The following VIPR2 variants were observed in gnomAD, a reference collection of about 807,000 sequenced individuals.
VIPR2 encodes vasoactive intestinal peptide receptor 2, also known as vasoactive intestinal polypeptide receptor 2.
Under a neutral mutation model 58.0 loss-of-function variants are expected in VIPR2, and 48 were observed. The ratio of observed to expected loss-of-function variants is 0.83; its 90% CI spans 0.66 to 1.05. VIPR2 has a LOEUF of 1.05. Among genes scored for constraint, VIPR2 ranks in the 50% least tolerant of loss-of-function variants. The pLI is 0.00. For missense variants in VIPR2, 534 were observed against 558.0 expected, an observed-to-expected ratio of 0.96 and a Z score of 0.43; for synonymous variants, 243 against 235.2, an observed-to-expected ratio of 1.03 and a Z score of -0.30.
At chr7:159,081,220 T>C (rs1366569671) in intron 4 of VIPR2, among the ~76,000 whole-genome samples, 6 of 152,136 alleles carry the variant, frequency 3.9e-5, no homozygotes, top group African/African-American at 1.4e-4. Flanking sequence ...TCAAACTATA[T>C]TACAAGGCTA....
chr7:159,040,969 A>G (rs1422260303), intron 6 of VIPR2, among the ~76,000 whole-genome samples: 1 of 152,052 alleles, frequency 6.6e-6, no homozygotes, highest in Admixed American at 6.5e-5. Flanking sequence ...ATCTGGCACA[A>G]GGGGCAAAGC....
intron 1 of VIPR2, chr7:159,144,297 C>G (rs911837136): frequency 8.6e-6 from 12 of 1,396,574 alleles, no homozygotes; most frequent in Non-Finnish European, 1.0e-5. Context: ...CTAAAACTAA[C>G]CAGTAAGTAC....
rs189642032 is a variant in VIPR2 at position 159,034,720 on chromosome 7, G to A, written c.810-70C>T. 3.9e-5 allele frequency: 52 copies of A among 1,335,760 alleles called. No homozygotes were observed. The African/African-American group carries it at 6.2e-4, about 16-fold the overall frequency. 82.7% of individuals were successfully genotyped at this position (1,335,760 alleles called of 1,614,324 possible). A position where few individuals can be genotyped will look rare whatever the true frequency, so the allele number is the denominator to read the frequency against. ...GCAAGACAGGTACAGAAGAATGAGC[G>A]CCTGCCCCTCCCAACTTGCCCACTC... On this transcript the variant is annotated intron_variant, in intron 8 of 12. Transcript: ENST00000262178.
intron 3 of VIPR2, among the ~76,000 whole-genome samples, chr7:159,109,477 C>T (rs745541167): frequency 3.3e-5 from 5 of 152,202 alleles, no homozygotes; most frequent in East Asian, 1.9e-4. Context: ...GCTCACAGGC[C>T]GACTCAGTGG....
At chr7:159,036,315 G>A (rs375948301) in intron 7 of VIPR2, among the ~76,000 whole-genome samples, 19 of 152,176 alleles carry the variant, frequency 1.2e-4, no homozygotes, top group East Asian at 9.7e-4. Flanking sequence ...TGATTTTTGC[G>A]ACCACCCACG....
intron 5 of VIPR2, among the ~76,000 whole-genome samples, chr7:159,054,384 C>T (rs944144418): frequency 3.3e-4 from 50 of 152,140 alleles, no homozygotes; most frequent in African/African-American, 1.2e-3. Context: ...CCAAAGACCA[C>T]GAAGAGAGCT....
chr7:159,131,161 G>A (rs531333900), intron 2 of VIPR2, among the ~76,000 whole-genome samples: 65 of 152,320 alleles, frequency 4.3e-4, no homozygotes, highest in African/African-American at 1.3e-3. Context: ...ACGGGGCCCT[G>A]CTGTCAAACT....
intron 4 of VIPR2, among the ~76,000 whole-genome samples, chr7:159,084,292 C>T (rs558052547): frequency 1.1e-3 from 169 of 152,284 alleles, no homozygotes; most frequent in African/African-American, 3.8e-3. Flanking sequence ...TGAGAGTGCT[C>T]GGGGCAGGAA....
intron 2 of VIPR2, chr7:159,117,346 T>C: frequency 1.4e-6 from 1 of 717,522 alleles, no homozygotes; most frequent in Non-Finnish European, 2.6e-6. Flanking sequence ...TGGGTAGGTA[T>C]GTGGGTCCAG....
In VIPR2 at chr7:159,030,659, G is replaced by C; in HGVS notation, c.1274C>G (p.Ser425Cys). The change falls in exon 13 of 13, where the codon TCC (serine) becomes TGC (cysteine). Residue 425 changes from serine to cysteine, a missense_variant. Ser to Cys is a moderately radical substitution (Grantham distance 112). Coordinates refer to ENST00000262178, the MANE Select transcript of VIPR2 (RefSeq NM_003382.5). Reference protein sequence around the residue: ...SEGALQFHRGSRAQSFLQTET... With the variant: ...SEGALQFHRGCRAQSFLQTET... ...CGTTTGCAGGAAGGACTGGGCGCGG[G>C]AGCCGCGGTGGAACTGCAGGGCGCC... The C allele has an allele frequency of 1.3e-6, 2 of 1,560,854 alleles. No individual in the cohort carries two copies. Among genetic ancestry groups the C allele is most frequent in the African/African-American group, 1.4e-5 (1 of 73,820 alleles).
intron 4 of VIPR2, among the ~76,000 whole-genome samples, chr7:159,071,382 CTTG>C (rs1856379987): frequency 6.6e-6 from 1 of 152,188 alleles, no homozygotes; most frequent in Non-Finnish European, 1.5e-5. Flanking sequence ...GACCCTTGGC[CTTG>C]GACCACTCAG....
At chr7:159,068,814 G>A (rs1341597301) in intron 4 of VIPR2, among the ~76,000 whole-genome samples, 1 of 152,228 alleles carries the variant, frequency 6.6e-6, no homozygotes, top group African/African-American at 2.4e-5. Context: ...CCCATGGGGA[G>A]CAGAGTGGAA....
intron 4 of VIPR2, among the ~76,000 whole-genome samples, chr7:159,067,015 C>T (rs60751457): frequency 0.027 from 4,079 of 152,252 alleles, 77 homozygotes; most frequent in African/African-American, 0.047. Context: ...TGTGCGGATA[C>T]TGAGATCGAA....
chr7:159,090,145 A>G, intron 4 of VIPR2, among the ~76,000 whole-genome samples: 1 of 138,314 alleles, frequency 7.2e-6, no homozygotes, highest in Non-Finnish European at 1.5e-5. Flanking sequence ...ACACGCTGGG[A>G]CCACACACAG....
intron 10 of VIPR2, 151 bp from the exon 11 acceptor site, chr7:159,032,218 ACT>A (rs1051745670): frequency 7.2e-5 from 82 of 1,144,020 alleles, no homozygotes; most frequent in South Asian, 6.7e-4. Context: ...AAGAAAAACC[ACT>A]GTTTCTTTAC....
intron 4 of VIPR2, among the ~76,000 whole-genome samples, chr7:159,064,346 C>A (rs1317759881): frequency 6.6e-6 from 1 of 152,050 alleles, no homozygotes; most frequent in African/African-American, 2.4e-5. Flanking sequence ...CCCCGGCTGC[C>A]CCTCTGTGCA....
rs560510330 is a variant in VIPR2 at position 159,134,802 on chromosome 7, C to T, written c.151+7644G>A. ...CCTCCTGAGTAGCTGGGACTAGAGG[C>T]GCCCGCCACCACGCCCGGCTAATTT... On this transcript the variant is annotated intron_variant, in intron 2 of 12. Transcript: ENST00000262178. Among the ~76,000 whole-genome samples the T allele has an allele frequency of 9.2e-5, 14 of 151,750 alleles. No individual in the cohort carries two copies. In the South Asian group the frequency reaches 1.2e-3, roughly 14 times the overall value.
At chr7:159,038,232 C>T (rs1419969809) in intron 6 of VIPR2, among the ~76,000 whole-genome samples, 2 of 152,050 alleles carry the variant, frequency 1.3e-5, no homozygotes, top group Non-Finnish European at 2.9e-5. Context: ...GCCCTGCAGG[C>T]GGCCCCGACC....
At chr7:159,116,543 T>C (rs1796244108) in intron 2 of VIPR2, among the ~76,000 whole-genome samples, 1 of 152,184 alleles carries the variant, frequency 6.6e-6, no homozygotes, top group African/African-American at 2.4e-5. Context: ...AGTGGTGGCT[T>C]CCTAATTTTT....
Sources: gnomAD v4.1 joint callset for allele counts (sites outside exome capture counted in the v4.1 genomes callset) on GRCh38, gnomAD v4.1.1 for gene constraint, MANE v1.5 for transcripts, NCBI Gene and HGNC (gene_info 2026-07-23, HGNC 2026-07-21) for gene names.